The following CAMKMT variants were observed in gnomAD, a reference collection of about 807,000 sequenced individuals.
CAMKMT encodes calmodulin-lysine N-methyltransferase.
CAMKMT carries 53 observed loss-of-function variants against 48.0 expected under a neutral mutation model. The observed-to-expected ratio is 1.10, with a 90% confidence interval of 0.89 to 1.39. The LOEUF (loss-of-function observed/expected upper bound fraction) is 1.39, where lower values mean the gene tolerates loss of function less well. Ranked by LOEUF, CAMKMT falls within the 40% of genes most tolerant of loss-of-function variation. CAMKMT has a pLI of 0.00. For missense variants in CAMKMT, 428 were observed against 402.7 expected (o/e 1.06, Z -0.54); for synonymous variants, 165 against 152.3 (o/e 1.08, Z -0.61).
At chr2:44,437,031 C>G (rs1666305636) in intron 3 of CAMKMT, among the ~76,000 whole-genome samples, 1 of 152,006 alleles carries the variant, frequency 6.6e-6, no homozygotes, top group Non-Finnish European at 1.5e-5. Flanking sequence ...AGTTTCATAC[C>G]TGAGCGTTTA....
chr2:44,564,597 G>C (rs979058746), intron 3 of CAMKMT, among the ~76,000 whole-genome samples: 2 of 151,966 alleles, frequency 1.3e-5, no homozygotes, highest in East Asian at 1.9e-4. Flanking sequence ...CAGGAAGCTG[G>C]AGTGCAGTGT....
At chr2:44,585,302 T>C (rs1669797516) in intron 3 of CAMKMT, among the ~76,000 whole-genome samples, 1 of 152,168 alleles carries the variant, frequency 6.6e-6, no homozygotes, top group Non-Finnish European at 1.5e-5. Flanking sequence ...TTAATTTCCT[T>C]CATGAAGAGA....
At chr2:44,751,162 A>C (rs1254823300) in intron 8 of CAMKMT, among the ~76,000 whole-genome samples, 1 of 152,180 alleles carries the variant, frequency 6.6e-6, no homozygotes, top group Non-Finnish European at 1.5e-5. Flanking sequence ...GAAAAGGGAG[A>C]GATCACTATG....
chr2:44,464,883 A>T (rs141050286), intron 3 of CAMKMT, among the ~76,000 whole-genome samples: 1 of 152,334 alleles, frequency 6.6e-6, no homozygotes, highest in African/African-American at 2.4e-5. Context: ...ACACAAAAAC[A>T]TATGAAAATG....
intron 3 of CAMKMT, among the ~76,000 whole-genome samples, chr2:44,617,437 A>G (rs1671954926): frequency 6.6e-6 from 1 of 152,234 alleles, no homozygotes; most frequent in Non-Finnish European, 1.5e-5. Flanking sequence ...ATTGGAAACA[A>G]GTTAAAAAAG....
At chr2:44,747,011 G>C (rs1679946403) in intron 8 of CAMKMT, among the ~76,000 whole-genome samples, 2 of 152,138 alleles carry the variant, frequency 1.3e-5, no homozygotes, top group Admixed American at 6.6e-5. Flanking sequence ...CTGTGCATTT[G>C]AATTCTCAAA....
intron 3 of CAMKMT, among the ~76,000 whole-genome samples, chr2:44,616,634 C>G (rs1294546933): frequency 6.6e-6 from 1 of 152,114 alleles, no homozygotes; most frequent in Non-Finnish European, 1.5e-5. Flanking sequence ...TATATTTGAA[C>G]AAACTAAGAT....
chr2:44,530,415 T>G (rs10495919), intron 3 of CAMKMT, among the ~76,000 whole-genome samples: 13,156 of 152,238 alleles, frequency 0.086, 586 homozygotes, highest in South Asian at 0.11. Flanking sequence ...TTATAGCATT[T>G]GAAAGAATTT....
chr2:44,583,409 G>T (rs919890320), intron 3 of CAMKMT, among the ~76,000 whole-genome samples: 1 of 152,124 alleles, frequency 6.6e-6, no homozygotes, highest in African/African-American at 2.4e-5. Context: ...GATGTTAGAG[G>T]ATTCTTCAAT....
chr2:44,583,940 A>AT (rs767866448), intron 3 of CAMKMT, among the ~76,000 whole-genome samples: 2 of 152,238 alleles, frequency 1.3e-5, no homozygotes, highest in Non-Finnish European at 2.9e-5. Context: ...GTATATATGT[A>AT]TGTATAAGCA....
chr2:44,543,789 C>A (rs572817146), intron 3 of CAMKMT, among the ~76,000 whole-genome samples: 1 of 152,210 alleles, frequency 6.6e-6, no homozygotes, highest in East Asian at 1.9e-4. Flanking sequence ...TATTTTATTT[C>A]TCTGGAAATT....
At chr2:44,730,002 A>G (rs1678995848) in intron 7 of CAMKMT, among the ~76,000 whole-genome samples, 1 of 152,178 alleles carries the variant, frequency 6.6e-6, no homozygotes. Flanking sequence ...GGGTGGCTTT[A>G]TCCAGCACAC....
chr2:44,513,981 A>G (rs928421095), intron 3 of CAMKMT, among the ~76,000 whole-genome samples: 1 of 151,792 alleles, frequency 6.6e-6, no homozygotes, highest in Non-Finnish European at 1.5e-5. Flanking sequence ...GCATGCCTGT[A>G]GTTTCAGCTA....
intron 3 of CAMKMT, among the ~76,000 whole-genome samples, chr2:44,392,804 A>T (rs1000776175): frequency 6.6e-6 from 1 of 151,956 alleles, no homozygotes; most frequent in African/African-American, 2.4e-5. Flanking sequence ...AGTACTTTTG[A>T]TAGAGAGTGA....
At chr2:44,597,415 A>C (rs1670728147) in intron 3 of CAMKMT, among the ~76,000 whole-genome samples, 1 of 152,262 alleles carries the variant, frequency 6.6e-6, no homozygotes, top group Non-Finnish European at 1.5e-5. Flanking sequence ...AACATCAGCC[A>C]GTGATATACC....
At chr2:44,576,374 G>A (rs1669223211) in intron 3 of CAMKMT, among the ~76,000 whole-genome samples, 1 of 151,750 alleles carries the variant, frequency 6.6e-6, no homozygotes, top group Non-Finnish European at 1.5e-5. Flanking sequence ...ACACAGGTGG[G>A]AGAAAGGAGA....
At chr2:44,616,896 C>T (rs541330621) in intron 3 of CAMKMT, among the ~76,000 whole-genome samples, 2 of 151,968 alleles carry the variant, frequency 1.3e-5, no homozygotes, top group Non-Finnish European at 2.9e-5. Context: ...ACCAAAAGCA[C>T]AAAACTGAGG....
chr2:44,461,385 T>A (rs1667842514), intron 3 of CAMKMT, among the ~76,000 whole-genome samples: 1 of 152,108 alleles, frequency 6.6e-6, no homozygotes, highest in African/African-American at 2.4e-5. Context: ...GATGAGGAAA[T>A]TGAGACAATA....
intron 2 of CAMKMT, among the ~76,000 whole-genome samples, chr2:44,377,547 G>A (rs999612280): frequency 6.6e-6 from 1 of 152,002 alleles, no homozygotes; most frequent in Non-Finnish European, 1.5e-5. Flanking sequence ...TGCATATTCT[G>A]GAAGCTTTAA....
Sources: allele counts gnomAD v4.1 joint callset (sites outside exome capture counted in the v4.1 genomes callset), GRCh38; gene constraint gnomAD v4.1.1; transcripts MANE v1.5; gene names NCBI Gene and HGNC (gene_info 2026-07-23, HGNC 2026-07-21).